Variants in TMC7 observed in about 807,000 individuals in gnomAD.
TMC7 encodes the protein transmembrane channel-like protein 7.
TMC7 carries 54 observed loss-of-function variants against 82.9 expected under a neutral mutation model. The observed-to-expected ratio is 0.65, with a 90% confidence interval of 0.52 to 0.82. TMC7 has a LOEUF of 0.82. TMC7 is among the 40% of genes least tolerant of loss of function. TMC7 has a pLI of 0.00. For missense variants in TMC7, 820 were observed against 901.2 expected (o/e 0.91, Z 1.15); for synonymous variants, 350 against 337.9 (o/e 1.04, Z -0.39).
At chr16:18,994,286 A>AAGC (rs59390630) in intron 1 of TMC7, among the ~76,000 whole-genome samples, 20,377 of 151,744 alleles carry the variant, frequency 0.13, 2,460 homozygotes, top group African/African-American at 0.32. Context: ...AAAAGTATTA[A>AAGC]AGCAGCAGCA....
intron 1 of TMC7, among the ~76,000 whole-genome samples, chr16:19,001,092 T>C (rs2142147149): frequency 6.6e-6 from 1 of 152,316 alleles, no homozygotes; most frequent in African/African-American, 2.4e-5. Flanking sequence ...AAGAATAATA[T>C]TCAAGGGTTA....
At chr16:19,061,682 T>C in intron 15 of TMC7, 96 bp from the exon 16 acceptor site, 1 of 996,454 alleles carries the variant, frequency 1.0e-6, no homozygotes, top group African/African-American at 1.6e-5. Context: ...ATTACAATAG[T>C]CCAGTGGTTA....
intron 2 of TMC7, among the ~76,000 whole-genome samples, chr16:19,011,195 C>T (rs1389337527): frequency 6.6e-6 from 1 of 152,120 alleles, no homozygotes; most frequent in Admixed American, 6.6e-5. Flanking sequence ...GCCAGGAAGG[C>T]TGGGAAGTGT....
chr16:19,035,565 T>C, intron 6 of TMC7, 111 bp from the exon 7 acceptor site: 1 of 1,296,652 alleles, frequency 7.7e-7, no homozygotes, highest in East Asian at 2.3e-5. Flanking sequence ...CATGTCACAA[T>C]GGGCTGAAAA....
At chr16:19,052,769 G>C (rs1961595724) in intron 13 of TMC7, among the ~76,000 whole-genome samples, 1 of 152,100 alleles carries the variant, frequency 6.6e-6, no homozygotes, top group South Asian at 2.1e-4. Flanking sequence ...ATAGAGTGCA[G>C]TGGTGTGATC....
intron 9 of TMC7, among the ~76,000 whole-genome samples, chr16:19,044,014 C>T (rs569466635): frequency 2.6e-5 from 4 of 151,854 alleles, no homozygotes; most frequent in South Asian, 2.1e-4. Context: ...GGACTACAGG[C>T]GTGTGCCACC....
chr16:19,004,062 C>G (rs1596729785), intron 1 of TMC7, among the ~76,000 whole-genome samples: 2 of 149,302 alleles, frequency 1.3e-5, no homozygotes, highest in East Asian at 3.9e-4. Flanking sequence ...AAAAAAAATA[C>G]CAGGGCAAGT....
intron 1 of TMC7, among the ~76,000 whole-genome samples, chr16:18,989,673 T>A (rs2038914247): frequency 6.6e-6 from 1 of 150,416 alleles, no homozygotes; most frequent in Non-Finnish European, 1.5e-5. Context: ...GAGCTTCTAG[T>A]CAAGCGAGAC....
chr16:18,995,241 A>G (rs2039023228), intron 1 of TMC7, among the ~76,000 whole-genome samples: 1 of 152,176 alleles, frequency 6.6e-6, no homozygotes, highest in African/African-American at 2.4e-5. Context: ...TATGGAGGCA[A>G]GGGAAACTGG....
chr16:19,059,508 G>A lies in TMC7; in HGVS notation c.2106+14G>A, dbSNP rs775352969. On this transcript the variant is annotated intron_variant, in intron 15 of 15. Coordinates refer to ENST00000304381, the MANE Select transcript of TMC7 (RefSeq NM_024847.4). ...CAGCTATCCCTGGTAAGGAAGCATA[G>A]CTCCAGAGGGTCATGGCTGGGGACA... The A allele has an allele frequency of 8.7e-6, 14 of 1,614,156 alleles. No individual in the cohort carries two copies. Among genetic ancestry groups the A allele is most frequent in the Non-Finnish European group, 1.2e-5 (14 of 1,180,026 alleles).
intron 13 of TMC7, among the ~76,000 whole-genome samples, chr16:19,054,648 G>C (rs1961686201): frequency 6.6e-6 from 1 of 150,890 alleles, no homozygotes; most frequent in African/African-American, 2.4e-5. Flanking sequence ...CTGGGAGGCA[G>C]AGGTTGCAGT....
intron 2 of TMC7, among the ~76,000 whole-genome samples, chr16:19,013,081 T>G (rs544669363): frequency 6.6e-6 from 1 of 151,050 alleles, no homozygotes; most frequent in Non-Finnish European, 1.5e-5. Context: ...CCTCCCAAAG[T>G]GCTGGGATTA....
intron 6 of TMC7, among the ~76,000 whole-genome samples, chr16:19,030,986 G>A (rs1960490446): frequency 6.6e-6 from 1 of 152,138 alleles, no homozygotes; most frequent in South Asian, 2.1e-4. Context: ...TGGGTTGTAA[G>A]TAGCAGAAAC....
intron 2 of TMC7, among the ~76,000 whole-genome samples, chr16:19,015,449 A>G (rs747254829): frequency 3.3e-5 from 5 of 152,078 alleles, no homozygotes; most frequent in Non-Finnish European, 7.4e-5. Context: ...CTGAGGTTGA[A>G]TAATATCCTA....
intron 6 of TMC7, among the ~76,000 whole-genome samples, chr16:19,032,697 G>A (rs1162990462): frequency 1.3e-5 from 2 of 152,086 alleles, no homozygotes; most frequent in African/African-American, 4.8e-5. Flanking sequence ...GCATGATCTT[G>A]GTTCACTGCA....
intron 3 of TMC7, 92 bp downstream of exon 3, chr16:19,016,690 A>G (rs1383791551): frequency 7.3e-7 from 1 of 1,361,302 alleles, no homozygotes; most frequent in African/African-American, 1.5e-5. Context: ...TCTAGCTGAA[A>G]TTGAGCATTT....
chr16:19,026,112 C>T (rs757608414), intron 5 of TMC7, among the ~76,000 whole-genome samples: 1 of 151,674 alleles, frequency 6.6e-6, no homozygotes, highest in Non-Finnish European at 1.5e-5. Context: ...TCTGATCTCA[C>T]GTTTTCCTAA....
At chr16:18,994,795 A>C (rs577988085) in intron 1 of TMC7, among the ~76,000 whole-genome samples, 24 of 152,122 alleles carry the variant, frequency 1.6e-4, no homozygotes, top group African/African-American at 5.3e-4. Flanking sequence ...TTGTAAGGAG[A>C]GTTTATAGGC....
chr16:18,994,161 A>T (rs1393184342), intron 1 of TMC7, among the ~76,000 whole-genome samples: 1 of 152,156 alleles, frequency 6.6e-6, no homozygotes, highest in Non-Finnish European at 1.5e-5. Context: ...AGTATACCTG[A>T]AGGAGCTGGG....
Sources: gnomAD v4.1 joint callset for allele counts (sites outside exome capture counted in the v4.1 genomes callset) on GRCh38, gnomAD v4.1.1 for gene constraint, MANE v1.5 for transcripts, NCBI Gene and HGNC (gene_info 2026-07-23, HGNC 2026-07-21) for gene names.